Variants in MAN2A2 observed in about 807,000 individuals in gnomAD.
The protein encoded by MAN2A2 is alpha-mannosidase 2x.
Under a neutral mutation model 126.8 loss-of-function variants are expected in MAN2A2, and 79 were observed. The ratio of observed to expected loss-of-function variants is 0.62; its 90% CI spans 0.52 to 0.75. The LOEUF (loss-of-function observed/expected upper bound fraction) is 0.75. Ranked by LOEUF, MAN2A2 falls within the 30% of genes least tolerant of loss-of-function variation. The pLI, the probability that MAN2A2 is intolerant of heterozygous loss-of-function variation, is 0.00. For missense variants in MAN2A2, 1,392 were observed against 1,522.4 expected (o/e 0.91, Z 1.43); for synonymous variants, 671 against 618.7 (o/e 1.08, Z -1.25).
intron 2 of MAN2A2, 90 bp from the exon 3 acceptor site, chr15:90,905,161 T>G: frequency 7.0e-7 from 1 of 1,418,748 alleles, no homozygotes; most frequent in Non-Finnish European, 9.7e-7. Flanking sequence ...AGGGAAGAAT[T>G]GTACTCAGGC....
intron 19 of MAN2A2, 150 bp downstream of exon 19, chr15:90,913,905 C>T: frequency 1.2e-5 from 13 of 1,091,728 alleles, no homozygotes; most frequent in Non-Finnish European, 1.6e-5. Flanking sequence ...ATTCAGAGCT[C>T]TTGGCACAGG....
In MAN2A2 at chr15:90,912,960, T is replaced by G. The variant is rs2034879345; in HGVS notation, c.2553T>G (p.Ile851Met). 6.2e-7 allele frequency: 1 copy of G among 1,613,874 alleles called. No homozygotes were observed. The highest frequency in any genetic ancestry group is 1.7e-5 in the Admixed American group (1 of 59,988). The change falls in exon 17 of 23, where the codon ATT becomes ATG. Residue 851 changes from isoleucine (I) to methionine (M), a missense_variant. Physicochemically the swap from Ile to Met is conservative, Grantham distance 10 (BLOSUM62 1). Transcript: ENST00000559717. ...FSEVVAYYEHIHQAVRLYNLP... is the reference protein window; with the variant it reads ...FSEVVAYYEHMHQAVRLYNLP... ...AGGTGGTTGCGTACTATGAGCACAT[T>G]CACCAGGCGGTCCGGCTTTACAATC... is the stretch of plus-strand genomic sequence containing the variant.
rs1370006845 is a variant in MAN2A2, at chr15:90,905,837, C to T, written c.536-8C>T. On this transcript the variant is annotated splice_polypyrimidine_tract_variant and splice_region_variant and intron_variant, in intron 4 of 22. Coordinates refer to ENST00000559717, the MANE Select transcript of MAN2A2 (RefSeq NM_006122.4). The stretch of plus-strand genomic sequence containing the variant: ...GCATCCTCAGGGGACCCTACATTGG[C>T]TCCCTAGGCTGGATCAAGACCTTTG... The T allele has an allele frequency of 1.3e-6, 2 of 1,572,466 alleles. No homozygotes were observed. The highest frequency in any genetic ancestry group is 1.7e-6 in the Non-Finnish European group (2 of 1,158,380).
intron 1 of MAN2A2, 121 bp downstream of exon 1, chr15:90,903,553 C>G (rs1596131881): frequency 6.3e-6 from 1 of 158,930 alleles, no homozygotes; most frequent in East Asian, 1.8e-4. Context: ...TGCAGGCTTC[C>G]TAGGGGTCCC....
intron 20 of MAN2A2, among the ~76,000 whole-genome samples, chr15:90,916,940 G>T (rs1234492005): frequency 6.6e-6 from 1 of 152,204 alleles, no homozygotes; most frequent in Non-Finnish European, 1.5e-5. Flanking sequence ...TGTGGGCTAA[G>T]GAGATCGAGG....
At chr15:90,918,531 T>C in intron 21 of MAN2A2, 114 bp from the exon 22 acceptor site, 1 of 1,230,632 alleles carries the variant, frequency 8.1e-7, no homozygotes. Context: ...GGTTTTGGCC[T>C]TTCCTTACCC....
chr15:90,908,919 C>T (rs997965081), intron 8 of MAN2A2, among the ~76,000 whole-genome samples: 35 of 152,112 alleles, frequency 2.3e-4, no homozygotes, highest in African/African-American at 6.0e-4. Context: ...TGGGTACCTA[C>T]GGATGTTATC....
At chr15:90,905,815 T>C in intron 4 of MAN2A2, 30 bp from the exon 5 acceptor site, 1 of 1,578,758 alleles carries the variant, frequency 6.3e-7, no homozygotes, top group South Asian at 1.1e-5. Context: ...GATGGTGGCA[T>C]CCTCAGGGGA....
chr15:90,913,071 T>C, intron 17 of MAN2A2, 80 bp downstream of exon 17: 1 of 1,255,510 alleles, frequency 8.0e-7, no homozygotes. Context: ...CTGCTGCTTC[T>C]CTGTTCATAC....
At position 90,911,472 on chromosome 15, in the gene MAN2A2, G is replaced by C. The variant is rs78886622; in HGVS notation, c.2031G>C (p.Ser677=). 1.9e-6 allele frequency: 3 copies of C among 1,614,078 alleles called. No individual in the cohort carries two copies. Among genetic ancestry groups the C allele is most frequent in the Non-Finnish European group, 2.5e-6 (3 of 1,180,054 alleles). The part of the protein sequence containing the change: ...LVNSPRVRVL[S]EEGQPLAVQI... ...ACTCTCCCCGCGTGCGTGTCCTTTC[G>C]GAGGAGGGTCAGCCCCTGGCCGTGC... is the stretch of plus-strand genomic sequence containing the variant. The change falls in exon 14 of 23, where the codon TCG becomes TCC. Residue 677 remains serine (S), a synonymous_variant. Transcript: ENST00000559717.
chr15:90,910,338 T>C (rs1311597416), intron 10 of MAN2A2, 46 bp downstream of exon 10: 1 of 1,607,376 alleles, frequency 6.2e-7, no homozygotes, highest in South Asian at 1.1e-5. Flanking sequence ...AGAGTCAGCC[T>C]TTGGGGTTTA....
At position 90,919,799 on chromosome 15, in the gene MAN2A2, GC is replaced by G. The variant is rs775095725; in HGVS notation, c.*14del. ...TCCGCTTGGGTTAGGGCTTCTTGTG[GC>G]CTGAAGAGAAAGTTCATTCACAGAG... On this transcript the variant is annotated 3_prime_UTR_variant, in exon 23 of 23. Transcript: ENST00000559717. 3.1e-6 allele frequency: 5 copies of G among 1,613,566 alleles called. No individual in the cohort carries two copies. In the African/African-American group the frequency reaches 6.7e-5, roughly 22 times the overall value.
At chr15:90,918,856 C>T in intron 22 of MAN2A2, 101 bp downstream of exon 22, 1 of 861,560 alleles carries the variant, frequency 1.2e-6, no homozygotes, top group South Asian at 1.5e-5. Flanking sequence ...AAGTGTCACT[C>T]CAGGGCTTTC....
At chr15:90,918,056 C>T in intron 20 of MAN2A2, 138 bp from the exon 21 acceptor site, 1 of 761,504 alleles carries the variant, frequency 1.3e-6, no homozygotes, top group Non-Finnish European at 2.2e-6. Context: ...TCGCCTGGAG[C>T]CAGGCGTGCC....
In MAN2A2 at chr15:90,918,205, C is replaced by T. The variant is rs758049245; in HGVS notation, c.3006C>T (p.Ser1002=). Residue 1002 remains serine (S), a synonymous_variant, in exon 21 of 23, where the codon AGC becomes AGT. Coordinates refer to ENST00000559717, the MANE Select transcript of MAN2A2 (RefSeq NM_006122.4). The part of the protein sequence containing the change: ...RRTVGSEVQD[S]HSTSYPSLLS... ...GGTCAATTTTGCAGGTCCAAGATAG[C>T]CACTCTACCAGCTACCCATCCCTCC... The T allele has an allele frequency of 1.2e-6, 2 of 1,613,122 alleles. No individual in the cohort carries two copies. The highest frequency in any genetic ancestry group is 1.7e-6 in the Non-Finnish European group (2 of 1,179,376).
In MAN2A2 at chr15:90,913,417, G is replaced by T. The variant is rs1402202857; in HGVS notation, c.2718+11G>T. On this transcript the variant is annotated intron_variant, in intron 18 of 22. Coordinates refer to ENST00000559717, the MANE Select transcript of MAN2A2 (RefSeq NM_006122.4). ...CTCAATGGCTTTCAGGTGACTCCTG[G>T]GCCTGGGTCTCGGAGACCCCACAGA... 6.3e-7 allele frequency: 1 copy of T among 1,582,156 alleles called. No individual in the cohort carries two copies. Among genetic ancestry groups the T allele is most frequent in the South Asian group, 1.1e-5 (1 of 90,408 alleles).
At position 90,903,367 on chromosome 15, in the gene MAN2A2, A is replaced by C. The variant is rs374411004; in HGVS notation, c.-84A>C. ...TCCTCGGCCCCAGGGCCCGCGGAGC[A>C]GACTCCGGAGCGCGGTCCCGCCCAC... On this transcript the variant is annotated 5_prime_UTR_variant, in exon 1 of 23. Transcript: ENST00000559717. The C allele has an allele frequency of 6.5e-6, 1 of 152,698 alleles. No individual in the cohort carries two copies. The highest frequency in any genetic ancestry group is 1.9e-4 in the East Asian group (1 of 5,196). 9.5% of individuals were successfully genotyped at this position (152,698 alleles called of 1,614,324 possible).
chr15:90,914,921 T>G (rs1474173744), intron 19 of MAN2A2, among the ~76,000 whole-genome samples: 1 of 152,218 alleles, frequency 6.6e-6, no homozygotes, highest in African/African-American at 2.4e-5. Flanking sequence ...CCCCATATCC[T>G]CAGGGCAAAA....
rs770151116 is a variant in MAN2A2, at chr15:90,912,609, G to A, written c.2414G>A (p.Arg805His). ...VDMQVLVYGT[R>H]TSKDKSGAYL... Reference sequence around the variant, plus strand: ...ATGCAGGTCCTTGTCTATGGCACCCGTACGTCCAAAGACAAGAGTGGAGCC... The same window carrying A: ...ATGCAGGTCCTTGTCTATGGCACCCATACGTCCAAAGACAAGAGTGGAGCC... Residue 805 changes from arginine (R) to histidine (H), a missense_variant, in exon 16 of 23, where the codon CGT becomes CAT. Physicochemically the swap from Arg to His is conservative, Grantham distance 29. Transcript: ENST00000559717. 28 of 1,614,060 alleles carry A rather than the reference G, an allele frequency of 1.7e-5. No homozygotes were observed. The highest frequency in any genetic ancestry group is 1.6e-4 in the Middle Eastern group (1 of 6,072).
Sources: allele counts gnomAD v4.1 joint callset (sites outside exome capture counted in the v4.1 genomes callset), GRCh38; gene constraint gnomAD v4.1.1; transcripts MANE v1.5; gene names NCBI Gene and HGNC (gene_info 2026-07-23, HGNC 2026-07-21).